Variants in DNMT3B observed in about 807,000 individuals in gnomAD.
DNMT3B encodes DNA (cytosine-5)-methyltransferase 3B.
DNMT3B carries 37 observed loss-of-function variants against 120.2 expected under a neutral mutation model. That is an observed-to-expected ratio of 0.31 (90% confidence interval 0.24 to 0.40). The LOEUF is 0.40. Ranked by LOEUF, DNMT3B falls within the 10% of genes least tolerant of loss-of-function variation. The probability of loss-of-function intolerance (pLI) is 1.00; values close to 1 mark genes in which losing one functional copy is unlikely to be tolerated. For synonymous variants in DNMT3B, 412 were observed against 442.8 expected, an observed-to-expected ratio of 0.93 and a Z score of 0.87; for missense variants, 878 against 1,137.3, an observed-to-expected ratio of 0.77 and a Z score of 3.28.
intron 1 of DNMT3B, among the ~76,000 whole-genome samples, chr20:32,778,364 CAAAAAAAA>C (rs10633411): frequency 7.2e-6 from 1 of 138,092 alleles, no homozygotes; most frequent in African/African-American, 2.6e-5. Context: ...GACTCTGTCT[CAAAAAAAA>C]AAAAAATGAA....
chr20:32,778,965 T>C (rs529775846), intron 1 of DNMT3B, among the ~76,000 whole-genome samples: 45 of 151,854 alleles, frequency 3.0e-4, no homozygotes, highest in Admixed American at 3.0e-3. Flanking sequence ...GATGGATGGA[T>C]GGATGGATGG....
At chr20:32,775,311 G>T (rs1988012887) in intron 1 of DNMT3B, among the ~76,000 whole-genome samples, 1 of 152,224 alleles carries the variant, frequency 6.6e-6, no homozygotes, top group Non-Finnish European at 1.5e-5. Flanking sequence ...TTCCTGCATT[G>T]TGAGGTTTAA....
At chr20:32,791,248 CAG>C (rs1199182683) in intron 7 of DNMT3B, among the ~76,000 whole-genome samples, 4 of 152,216 alleles carry the variant, frequency 2.6e-5, no homozygotes, top group Non-Finnish European at 4.4e-5. Context: ...GGAGCAGCCA[CAG>C]AGAATATTAG....
In DNMT3B at chr20:32,799,288, G is replaced by T; in HGVS notation, c.1719G>T (p.Arg573=). The T allele has an allele frequency of 6.2e-7, 1 of 1,613,476 alleles. No homozygotes were observed. The highest frequency in any genetic ancestry group is 8.5e-7 in the Non-Finnish European group (1 of 1,179,820). Residue 573 remains arginine (R), a synonymous_variant, in exon 16 of 23, where the codon CGG becomes CGT. Coordinates refer to ENST00000328111, the MANE Select transcript of DNMT3B (RefSeq NM_006892.4). The part of the protein sequence containing the change: ...LYPAIPAARR[R]PIRVLSLFDG... ...CTGCCATTCCCGCAGCCCGAAGGCGGCCCATTCGAGTCCTGTCATTGTTTG... is the reference window on the plus strand; with the variant it reads ...CTGCCATTCCCGCAGCCCGAAGGCGTCCCATTCGAGTCCTGTCATTGTTTG...
At chr20:32,793,450 A>C in intron 9 of DNMT3B, 86 bp from the exon 10 acceptor site, 1 of 1,474,484 alleles carries the variant, frequency 6.8e-7, no homozygotes, top group Non-Finnish European at 9.4e-7. Flanking sequence ...CCTGGGTGAC[A>C]GAGCAAGACC....
chr20:32,775,016 C>T (rs1222107058), intron 1 of DNMT3B, among the ~76,000 whole-genome samples: 1 of 152,114 alleles, frequency 6.6e-6, no homozygotes, highest in Non-Finnish European at 1.5e-5. Context: ...GCCACCGCGC[C>T]TGGCCTAATT....
chr20:32,795,802 C>T (rs1489433296), intron 12 of DNMT3B, 108 bp downstream of exon 12: 4 of 1,445,798 alleles, frequency 2.8e-6, no homozygotes, highest in South Asian at 2.3e-5. Flanking sequence ...GAGCTCTGTT[C>T]CTTAACCTCA....
At chr20:32,787,505 A>T (rs4911108) in intron 6 of DNMT3B, 54 bp downstream of exon 6, 1 of 1,569,620 alleles carries the variant, frequency 6.4e-7, no homozygotes, top group Non-Finnish European at 8.7e-7. Context: ...GAACACGGGG[A>T]AAAACCAGTT....
intron 1 of DNMT3B, among the ~76,000 whole-genome samples, chr20:32,767,697 G>C (rs992435139): frequency 1.3e-5 from 2 of 152,204 alleles, no homozygotes; most frequent in African/African-American, 4.8e-5. Flanking sequence ...GTCTCCGAAA[G>C]TGCTGGGACT....
chr20:32,762,651 C>A lies in DNMT3B; in HGVS notation c.-55C>A. 1 of 234,152 alleles carries A rather than the reference C, an allele frequency of 4.3e-6. No homozygotes were observed. The allele number at this position is 234,152 out of a possible 1,614,324, so 14.5% of individuals were successfully genotyped here. ...CAGCCGGCCTCCCGCCAGCCAGCCC[C>A]GACCCGCGGCTCCGCCGCCCAGCCG... On this transcript the variant is annotated 5_prime_UTR_variant, in exon 1 of 23. Transcript: ENST00000328111.
chr20:32,796,458 C>T lies in DNMT3B; in HGVS notation c.1298-332C>T, dbSNP rs1601114523. Among the ~76,000 whole-genome samples, 3 of 152,154 alleles carry T rather than the reference C, an allele frequency of 2.0e-5. No homozygotes were observed. In the South Asian group the frequency reaches 6.2e-4, roughly 32 times the overall value. Reference sequence around the variant, plus strand: ...CAAGTCCTATCATGAGACAACAAGCCAATTGGAGTCACCACAAAATCCTTA... The same window carrying T: ...CAAGTCCTATCATGAGACAACAAGCTAATTGGAGTCACCACAAAATCCTTA... On this transcript the variant is annotated intron_variant, in intron 12 of 22. Coordinates refer to ENST00000328111, the MANE Select transcript of DNMT3B (RefSeq NM_006892.4).
intron 13 of DNMT3B, 126 bp downstream of exon 13, chr20:32,796,995 C>CTCTG: frequency 6.2e-7 from 1 of 1,612,540 alleles, no homozygotes; most frequent in Non-Finnish European, 8.5e-7. Context: ...TGCACTCTGC[C>CTCTG]TCTGGGGCAG....
chr20:32,800,480 A>AT lies in DNMT3B; in HGVS notation c.1905+189dup, dbSNP rs1483352482. ...GGAGTTGGTGACCAAGCAAGATTCTATTTTTTTCTGGAGACAGTCTCCCTC... is the reference window on the plus strand; with the variant it reads ...GGAGTTGGTGACCAAGCAAGATTCTATTTTTTTTCTGGAGACAGTCTCCCTC... On this transcript the variant is annotated intron_variant, in intron 17 of 22. Transcript: ENST00000328111. 1.3e-4 allele frequency among the ~76,000 whole-genome samples: 19 copies of AT among 151,976 alleles called. No individual in the cohort carries two copies. In the East Asian group the frequency reaches 3.7e-3, roughly 29 times the overall value.
At chr20:32,802,530 C>G in intron 20 of DNMT3B, 60 bp downstream of exon 20, 2 of 1,534,030 alleles carry the variant, frequency 1.3e-6, no homozygotes, top group Non-Finnish European at 1.8e-6. Context: ...ATAACAAGCT[C>G]TGACATTCAA....
intron 1 of DNMT3B, among the ~76,000 whole-genome samples, chr20:32,766,330 G>A (rs1264924804): frequency 6.6e-6 from 1 of 151,972 alleles, no homozygotes; most frequent in Non-Finnish European, 1.5e-5. Context: ...GCGACAGACC[G>A]AGACCCTGTC....
At chr20:32,765,609 C>T (rs1435606210) in intron 1 of DNMT3B, among the ~76,000 whole-genome samples, 3 of 149,886 alleles carry the variant, frequency 2.0e-5, no homozygotes, top group Non-Finnish European at 3.0e-5. Context: ...TTAATTGAGA[C>T]GGGGTTTCAT....
chr20:32,803,969 G>C (rs1981673235), intron 20 of DNMT3B, among the ~76,000 whole-genome samples: 1 of 152,200 alleles, frequency 6.6e-6, no homozygotes, highest in African/African-American at 2.4e-5. Context: ...GGACTAGACT[G>C]CTCAAAGAAG....
At chr20:32,765,270 A>G (rs1433763157) in intron 1 of DNMT3B, among the ~76,000 whole-genome samples, 5 of 151,572 alleles carry the variant, frequency 3.3e-5, no homozygotes, top group Non-Finnish European at 5.9e-5. Context: ...TGTGCAGGCC[A>G]CTCTTGTAAA....
intron 1 of DNMT3B, among the ~76,000 whole-genome samples, chr20:32,764,124 A>C (rs1294490172): frequency 6.6e-6 from 1 of 152,140 alleles, no homozygotes; most frequent in Non-Finnish European, 1.5e-5. Context: ...CGGGCTAAGC[A>C]AGCTTCCTTC....
Sources: allele counts gnomAD v4.1 joint callset (sites outside exome capture counted in the v4.1 genomes callset), GRCh38; gene constraint gnomAD v4.1.1; transcripts MANE v1.5; gene names NCBI Gene and HGNC (gene_info 2026-07-23, HGNC 2026-07-21).